PDE11A: variants seen among roughly 807,000 people sequenced by gnomAD.
PDE11A encodes phosphodiesterase 11A, also known as dual 3',5'-cyclic-AMP and -GMP phosphodiesterase 11A.
A neutral mutation model predicts 100.5 loss-of-function variants in PDE11A; 100 were observed. That is an observed-to-expected ratio of 1.00 (90% CI 0.85 to 1.18). The LOEUF is 1.18. PDE11A is among the 50% of genes most tolerant of loss of function. The probability of loss-of-function intolerance (pLI) is 0.00; values close to 1 mark genes in which losing one functional copy is unlikely to be tolerated. For synonymous variants in PDE11A, 381 were observed against 420.8 expected, an observed-to-expected ratio of 0.91 and a Z score of 1.16; for missense variants, 1,141 against 1,152.6, an observed-to-expected ratio of 0.99 and a Z score of 0.15.
intron 12 of PDE11A, among the ~76,000 whole-genome samples, chr2:177,718,056 T>G (rs1359572398): frequency 6.6e-6 from 1 of 152,220 alleles, no homozygotes; most frequent in Non-Finnish European, 1.5e-5. Context: ...GAAGTGTCAT[T>G]AAGTGCCTAT....
At chr2:177,706,650 A>C (rs1297036096) in intron 13 of PDE11A, among the ~76,000 whole-genome samples, 3 of 152,202 alleles carry the variant, frequency 2.0e-5, no homozygotes, top group African/African-American at 7.2e-5. Flanking sequence ...TCCTAAGTGC[A>C]AAAATGACTC....
At chr2:178,097,851 T>G (rs2087514607) in intron 2 of PDE11A, among the ~76,000 whole-genome samples, 1 of 152,190 alleles carries the variant, frequency 6.6e-6, no homozygotes, top group Non-Finnish European at 1.5e-5. Context: ...GTGGCCCAAG[T>G]AAGATTTTTA....
At position 177,798,785 on chromosome 2, in the gene PDE11A, T is replaced by C. The variant is rs561403052; in HGVS notation, c.1737+18044A>G. Among the ~76,000 whole-genome samples, 40 of 152,256 alleles carry C rather than the reference T, an allele frequency of 2.6e-4. No individual in the cohort carries two copies. The South Asian group carries it at 7.3e-3, about 28-fold the overall frequency. ...ACAGAGAGAAGAGACAAATATCCCATACAAAAGAATTCTAAATAATATATG... is the reference window on the plus strand; with the variant it reads ...ACAGAGAGAAGAGACAAATATCCCACACAAAAGAATTCTAAATAATATATG... On this transcript the variant is annotated intron_variant, in intron 9 of 19. Transcript: ENST00000286063.
intron 1 of PDE11A, among the ~76,000 whole-genome samples, chr2:178,067,684 T>C (rs1030788471): frequency 1.7e-4 from 26 of 152,226 alleles, no homozygotes; most frequent in Admixed American, 9.2e-4. Flanking sequence ...ATCATTTAGT[T>C]TGTACAGCTT....
chr2:177,812,360 A>G (rs2082962013), intron 9 of PDE11A, among the ~76,000 whole-genome samples: 1 of 152,058 alleles, frequency 6.6e-6, no homozygotes, highest in Non-Finnish European at 1.5e-5. Context: ...GACACTTTAA[A>G]TCTTCTCCCT....
Position 177,875,022 on chromosome 2 carries a change from G to A in PDE11A, c.1367+837C>T, listed in dbSNP as rs974254246. Among the ~76,000 whole-genome samples the A allele has an allele frequency of 6.6e-5, 10 of 152,052 alleles. 1 individual carries two copies. The highest frequency in any genetic ancestry group is 4.1e-4 in the South Asian group (2 of 4,822). On this transcript the variant is annotated intron_variant, in intron 5 of 19. Coordinates refer to ENST00000286063, the MANE Select transcript of PDE11A (RefSeq NM_016953.4). ...GCAGATCACTTGAGGTCAGGAGTTC[G>A]AAACCAGCCTGGCCAACATGGTGAA...
At chr2:178,000,191 A>G (rs1022284076) in intron 2 of PDE11A, among the ~76,000 whole-genome samples, 3 of 149,042 alleles carry the variant, frequency 2.0e-5, no homozygotes, top group Non-Finnish European at 4.5e-5. Flanking sequence ...TGACCAGAAA[A>G]TGGTTTCATT....
Position 177,656,710 on chromosome 2 carries a change from A to T in PDE11A, c.2646+7156T>A, listed in dbSNP as rs894617222. ...AAGAGACAGAAAGATAATCACATAC[A>T]GAGTGTGTGGTTATAAAGAGATGGA... On this transcript the variant is annotated intron_variant, in intron 19 of 19. Transcript: ENST00000286063. 2.6e-5 allele frequency among the ~76,000 whole-genome samples: 4 copies of T among 152,222 alleles called. No individual in the cohort carries two copies. The East Asian group carries it at 7.7e-4, about 29-fold the overall frequency.
At chr2:177,706,434 A>C (rs2081281416) in intron 13 of PDE11A, among the ~76,000 whole-genome samples, 1 of 152,198 alleles carries the variant, frequency 6.6e-6, no homozygotes, top group Non-Finnish European at 1.5e-5. Context: ...TTGAATATAG[A>C]AAATACTCAC....
chr2:177,766,540 T>C (rs961452182), intron 10 of PDE11A, among the ~76,000 whole-genome samples: 1 of 152,250 alleles, frequency 6.6e-6, no homozygotes, highest in Non-Finnish European at 1.5e-5. Flanking sequence ...AACGTAAACA[T>C]GGTTTGTCAT....
At chr2:177,814,503 C>T (rs552310090) in intron 9 of PDE11A, among the ~76,000 whole-genome samples, 1 of 152,196 alleles carries the variant, frequency 6.6e-6, no homozygotes, top group East Asian at 1.9e-4. Flanking sequence ...TGGGAGTTGG[C>T]TGAGAGTGGA....
intron 19 of PDE11A, among the ~76,000 whole-genome samples, chr2:177,662,201 A>C (rs1000827745): frequency 6.6e-6 from 1 of 152,214 alleles, no homozygotes; most frequent in Non-Finnish European, 1.5e-5. Flanking sequence ...TCAGTAATAA[A>C]ACAAATTAAC....
At chr2:177,993,746 G>A (rs1181309665) in intron 2 of PDE11A, among the ~76,000 whole-genome samples, 2 of 151,964 alleles carry the variant, frequency 1.3e-5, no homozygotes, top group Admixed American at 6.6e-5. Flanking sequence ...GACAAGCCAG[G>A]AAAAAGGAGA....
At chr2:177,856,115 T>C (rs530735835) in intron 5 of PDE11A, among the ~76,000 whole-genome samples, 1 of 152,200 alleles carries the variant, frequency 6.6e-6, no homozygotes, top group South Asian at 2.1e-4. Flanking sequence ...GGAAGACTTA[T>C]TGGTTCAGGC....
chr2:177,675,446 A>G lies in PDE11A; in HGVS notation c.2487+9T>C. The G allele has an allele frequency of 6.2e-7, 1 of 1,606,146 alleles. No homozygotes were observed. The highest frequency in any genetic ancestry group is 8.5e-7 in the Non-Finnish European group (1 of 1,173,152). ...CCTCTGCTGAGCCCTGCCATTAATC[A>G]CCACTTGCCTGTCTGGAGATCTCCC... is the stretch of plus-strand genomic sequence containing the variant. On this transcript the variant is annotated intron_variant, in intron 17 of 19. Coordinates refer to ENST00000286063, the MANE Select transcript of PDE11A (RefSeq NM_016953.4).
chr2:178,064,824 A>T (rs1574378424), intron 1 of PDE11A, among the ~76,000 whole-genome samples: 1 of 151,902 alleles, frequency 6.6e-6, no homozygotes, highest in African/African-American at 2.4e-5. Context: ...CACCCTAAAG[A>T]GGTATCTCAT....
intron 19 of PDE11A, among the ~76,000 whole-genome samples, chr2:177,652,212 G>A (rs143191903): frequency 2.3e-3 from 355 of 152,316 alleles, no homozygotes; most frequent in African/African-American, 8.1e-3. Flanking sequence ...AACAGAGACA[G>A]TGAATGTAAA....
intron 10 of PDE11A, among the ~76,000 whole-genome samples, chr2:177,732,612 C>T (rs537536620): frequency 6.6e-6 from 1 of 152,260 alleles, no homozygotes; most frequent in East Asian, 1.9e-4. Context: ...TCCAAAGGCA[C>T]TAAATCCACT....
intron 2 of PDE11A, among the ~76,000 whole-genome samples, chr2:177,960,387 A>T (rs1428017780): frequency 6.6e-6 from 1 of 152,142 alleles, no homozygotes; most frequent in Admixed American, 6.5e-5. Flanking sequence ...AAAAATTTCA[A>T]CTACATCGTA....
Sources: gnomAD v4.1 joint callset for allele counts (sites outside exome capture counted in the v4.1 genomes callset) on GRCh38, gnomAD v4.1.1 for gene constraint, MANE v1.5 for transcripts, NCBI Gene and HGNC (gene_info 2026-07-23, HGNC 2026-07-21) for gene names.